The following KHDRBS2 variants were observed in gnomAD, a reference collection of about 807,000 sequenced individuals.
The protein encoded by KHDRBS2 is KH RNA binding domain containing, signal transduction associated 2, also known as KH domain-containing, RNA-binding, signal transduction-associated protein 2.
Under a neutral mutation model 44.3 loss-of-function variants are expected in KHDRBS2, and 26 were observed. The observed-to-expected ratio is 0.59, with a 90% CI of 0.43 to 0.81. The LOEUF is 0.81. Among genes scored for constraint, KHDRBS2 ranks in the 40% least tolerant of loss-of-function variants. The pLI is 0.00. For synonymous variants in KHDRBS2, 194 were observed against 151.1 expected (o/e 1.28, Z -2.08); for missense variants, 476 against 433.1 (o/e 1.10, Z -0.88).
At chr6:62,073,326 ATTAT>A (rs1000938714) in intron 2 of KHDRBS2, among the ~76,000 whole-genome samples, 4 of 151,408 alleles carry the variant, frequency 2.6e-5, no homozygotes, top group African/African-American at 9.7e-5. Context: ...TCTCATCTAC[ATTAT>A]TTAATATGTT....
rs75539203 is a variant in KHDRBS2, at chr6:62,003,252, T to C, written c.337-25040A>G. Among the ~76,000 whole-genome samples, 85 of 152,012 alleles carry C rather than the reference T, an allele frequency of 5.6e-4. No individual in the cohort carries two copies. In the East Asian group the frequency reaches 0.015, roughly 28 times the overall value. ...TACTATTGCACCACTGTACTTCAGC[T>C]TGGGTGACAAAGTGAGACCCTGTCT... On this transcript the variant is annotated intron_variant, in intron 3 of 8. Coordinates refer to ENST00000281156, the MANE Select transcript of KHDRBS2 (RefSeq NM_152688.4).
chr6:62,035,457 T>C (rs1301296253), intron 3 of KHDRBS2, among the ~76,000 whole-genome samples: 1 of 151,910 alleles, frequency 6.6e-6, no homozygotes, highest in Non-Finnish European at 1.5e-5. Context: ...ACTGAACTCA[T>C]GGAGACAGAA....
chr6:61,669,576 A>T, the KHDRBS2 span, among the ~76,000 whole-genome samples: 2 of 150,926 alleles, frequency 1.3e-5, no homozygotes, highest in South Asian at 4.1e-4. Context: ...CTTAATTTTT[A>T]TTTACACGTT....
chr6:61,576,682 CTG>C, the KHDRBS2 span, among the ~76,000 whole-genome samples: 5 of 152,214 alleles, frequency 3.3e-5, no homozygotes, highest in East Asian at 5.8e-4. Flanking sequence ...ACAAAATAAA[CTG>C]TACATAAACT....
intron 6 of KHDRBS2, among the ~76,000 whole-genome samples, chr6:61,733,122 T>C (rs1415626745): frequency 6.6e-6 from 1 of 152,214 alleles, no homozygotes. Flanking sequence ...TGTTTGTTAC[T>C]ATCCCACTGG....
the KHDRBS2 span, among the ~76,000 whole-genome samples, chr6:61,670,057 A>G: frequency 2.0e-5 from 3 of 151,358 alleles, no homozygotes; most frequent in African/African-American, 7.3e-5. Flanking sequence ...ACTATAAACC[A>G]ATCTATTAAC....
At chr6:61,953,315 T>C (rs1314343493) in intron 4 of KHDRBS2, among the ~76,000 whole-genome samples, 1 of 152,000 alleles carries the variant, frequency 6.6e-6, no homozygotes, top group Non-Finnish European at 1.5e-5. Flanking sequence ...TGTGTGAGTT[T>C]TCAAAAACTT....
At chr6:61,955,192 A>G (rs1187594853) in intron 4 of KHDRBS2, among the ~76,000 whole-genome samples, 2 of 145,204 alleles carry the variant, frequency 1.4e-5, no homozygotes, top group South Asian at 2.1e-4. Flanking sequence ...ATACGTTTGT[A>G]TGTATACATA....
intron 6 of KHDRBS2, among the ~76,000 whole-genome samples, chr6:61,837,279 A>C (rs1792844062): frequency 1.3e-5 from 2 of 152,034 alleles, no homozygotes; most frequent in African/African-American, 4.8e-5. Context: ...TTCATGTTTC[A>C]GTAGCTACTG....
intron 3 of KHDRBS2, among the ~76,000 whole-genome samples, chr6:61,983,050 A>G (rs1039004985): frequency 6.6e-6 from 1 of 151,990 alleles, no homozygotes; most frequent in Non-Finnish European, 1.5e-5. Context: ...ATACAGTTGC[A>G]TAAGTCCAAT....
intron 6 of KHDRBS2, among the ~76,000 whole-genome samples, chr6:61,844,912 G>A (rs1184957121): frequency 4.6e-5 from 7 of 151,724 alleles, no homozygotes; most frequent in Non-Finnish European, 1.5e-5. Flanking sequence ...GTTAATATTC[G>A]CTGAATTAAA....
chr6:61,974,650 T>C (rs1182164214), intron 4 of KHDRBS2, among the ~76,000 whole-genome samples: 2 of 152,094 alleles, frequency 1.3e-5, no homozygotes, highest in East Asian at 3.9e-4. Flanking sequence ...GACTATAGTG[T>C]GTCTGGGTGT....
intron 1 of KHDRBS2, among the ~76,000 whole-genome samples, chr6:62,194,854 T>C (rs1387642922): frequency 2.6e-5 from 4 of 152,180 alleles, no homozygotes; most frequent in African/African-American, 4.8e-5. Context: ...TTAAATTTAC[T>C]ACACAAAGTA....
intron 6 of KHDRBS2, among the ~76,000 whole-genome samples, chr6:61,778,007 C>T (rs1045183198): frequency 2.0e-5 from 3 of 152,056 alleles, no homozygotes; most frequent in Non-Finnish European, 2.9e-5. Context: ...TCCTCCCACC[C>T]TCTACCTTCA....
Position 61,767,716 on chromosome 6 carries a change from T to C in KHDRBS2, c.811-34952A>G, listed in dbSNP as rs188495440. On this transcript the variant is annotated intron_variant, in intron 6 of 8. Coordinates refer to ENST00000281156, the MANE Select transcript of KHDRBS2 (RefSeq NM_152688.4). ...CCAATTATTTTAAACTGATGACAAC[T>C]TAACACTGATTTCATAAACAAACAA... 1.6e-3 allele frequency among the ~76,000 whole-genome samples: 238 copies of C among 152,306 alleles called. 1 individual carries two copies. The highest frequency in any genetic ancestry group is 5.3e-3 in the African/African-American group (222 of 41,584).
At chr6:61,675,268 T>A (rs1262587294), downstream of KHDRBS2, among the ~76,000 whole-genome samples, 5 of 151,802 alleles carry the variant, frequency 3.3e-5, no homozygotes, top group Non-Finnish European at 7.4e-5. Flanking sequence ...AATCATTTAA[T>A]AACATAGTTT....
At chr6:61,930,339 A>G (rs1339640973) in intron 4 of KHDRBS2, among the ~76,000 whole-genome samples, 2 of 151,988 alleles carry the variant, frequency 1.3e-5, no homozygotes, top group Non-Finnish European at 2.9e-5. Context: ...CAAATCAAAC[A>G]TCTTATGACT....
chr6:61,932,339 AGT>A (rs1258024763), intron 4 of KHDRBS2, among the ~76,000 whole-genome samples: 3 of 152,236 alleles, frequency 2.0e-5, no homozygotes, highest in African/African-American at 7.2e-5. Context: ...TCATCATTAT[AGT>A]CACCTGGCGG....
chr6:62,024,006 T>C (rs2127283146), intron 3 of KHDRBS2, among the ~76,000 whole-genome samples: 1 of 151,366 alleles, frequency 6.6e-6, no homozygotes, highest in African/African-American at 2.4e-5. Flanking sequence ...ACCAAGAGTC[T>C]CTACCAAAAT....
Sources: gnomAD v4.1 joint callset for allele counts (sites outside exome capture counted in the v4.1 genomes callset) on GRCh38, gnomAD v4.1.1 for gene constraint, MANE v1.5 for transcripts, NCBI Gene and HGNC (gene_info 2026-07-23, HGNC 2026-07-21) for gene names.